SENP6: variants seen among roughly 807,000 people sequenced by gnomAD.
The protein encoded by SENP6 is sentrin-specific protease 6.
Under a neutral mutation model 134.5 loss-of-function variants are expected in SENP6, and 41 were observed. That is an observed-to-expected ratio of 0.30 (90% CI 0.24 to 0.40). SENP6 has a LOEUF of 0.40. Among genes scored for constraint, SENP6 ranks in the 10% least tolerant of loss-of-function variants. SENP6 has a pLI of 1.00. For missense variants in SENP6, 1,248 were observed against 1,312.5 expected (o/e 0.95, Z 0.76); for synonymous variants, 395 against 429.8 (o/e 0.92, Z 1.00).
intron 16 of SENP6, among the ~76,000 whole-genome samples, chr6:75,693,425 A>AAAT (rs1562058381): frequency 6.6e-6 from 1 of 151,570 alleles, no homozygotes; most frequent in Non-Finnish European, 1.5e-5. Context: ...AAAAAAAAAA[A>AAAT]AAAACACCAA....
At chr6:75,682,824 GT>G (rs1773559964) in intron 16 of SENP6, among the ~76,000 whole-genome samples, 1 of 152,138 alleles carries the variant, frequency 6.6e-6, no homozygotes, top group African/African-American at 2.4e-5. Flanking sequence ...ATTTGGGTTG[GT>G]TCCAAGTCTT....
chr6:75,706,610 G>T (rs1775420510), intron 19 of SENP6, among the ~76,000 whole-genome samples: 2 of 152,044 alleles, frequency 1.3e-5, no homozygotes, highest in African/African-American at 4.8e-5. Flanking sequence ...TATGTAGTTT[G>T]CCTTCTTAAT....
At chr6:75,694,505 T>C (rs1430327318) in intron 16 of SENP6, among the ~76,000 whole-genome samples, 1 of 152,228 alleles carries the variant, frequency 6.6e-6, no homozygotes, top group Non-Finnish European at 1.5e-5. Flanking sequence ...GTGTGTTTCA[T>C]TGCCCCATAA....
intron 16 of SENP6, among the ~76,000 whole-genome samples, chr6:75,690,455 T>C (rs1397133052): frequency 6.6e-6 from 1 of 152,210 alleles, no homozygotes; most frequent in African/African-American, 2.4e-5. Flanking sequence ...AAAAGTATGA[T>C]TTCTGTTATA....
In SENP6 at chr6:75,686,201, G is replaced by A. The variant is rs565181948; in HGVS notation, c.2075+7274G>A. On this transcript the variant is annotated intron_variant, in intron 16 of 23. Coordinates refer to ENST00000447266, the MANE Select transcript of SENP6 (RefSeq NM_015571.4). ...TGTTGGTTTAAAGTCTGTTTTATCC[G>A]AGACTAGGATTGCAACCCCTGCCTT... Among the ~76,000 whole-genome samples, 177 of 151,206 alleles carry A rather than the reference G, an allele frequency of 1.2e-3. 1 individual carries two copies. The highest frequency in any genetic ancestry group is 3.9e-3 in the African/African-American group (162 of 41,144).
In SENP6 at chr6:75,617,575, G is replaced by C. The variant is rs1435175338; in HGVS notation, c.53-3957G>C. Among the ~76,000 whole-genome samples the C allele has an allele frequency of 2.6e-5, 4 of 152,168 alleles. No individual in the cohort carries two copies. In the East Asian group the frequency reaches 7.7e-4, roughly 29 times the overall value. On this transcript the variant is annotated intron_variant, in intron 1 of 23. Coordinates refer to ENST00000447266, the MANE Select transcript of SENP6 (RefSeq NM_015571.4). The stretch of plus-strand genomic sequence containing the variant: ...TTACAGGCAGGAGCCACTGTGCCCG[G>C]CCGGTTTAGAGAACTTCTATATAAC...
At position 75,691,143 on chromosome 6, in the gene SENP6, A is replaced by G; in HGVS notation, c.2076-4661A>G. On this transcript the variant is annotated intron_variant, in intron 16 of 23. Transcript: ENST00000447266. ...CAGGCGATTACCATTCCCAGCTAAA[A>G]TTTTTTTTTTTTTTTCAAAGACAGA... 2.8e-5 allele frequency among the ~76,000 whole-genome samples: 4 copies of G among 141,512 alleles called. No individual in the cohort carries two copies. The South Asian group carries it at 9.0e-4, about 32-fold the overall frequency. The allele number at this position is 141,512 out of a possible 152,430, so 92.8% of individuals were successfully genotyped here.
chr6:75,606,958 G>A (rs1251808808), intron 1 of SENP6, among the ~76,000 whole-genome samples: 1 of 152,160 alleles, frequency 6.6e-6, no homozygotes, highest in Non-Finnish European at 1.5e-5. Context: ...AAATAGGGGA[G>A]CATGGCATGT....
chr6:75,603,921 C>G (rs1026627966), intron 1 of SENP6, among the ~76,000 whole-genome samples: 7 of 152,080 alleles, frequency 4.6e-5, no homozygotes, highest in African/African-American at 1.7e-4. Context: ...TTTCTGGGTT[C>G]GTTTCGTATT....
At chr6:75,642,915 CAG>C (rs1770139223) in intron 6 of SENP6, among the ~76,000 whole-genome samples, 1 of 152,070 alleles carries the variant, frequency 6.6e-6, no homozygotes, top group Non-Finnish European at 1.5e-5. Flanking sequence ...GGTAGAAAGA[CAG>C]AGGTAAAACC....
chr6:75,673,565 C>A (rs1199556398), intron 11 of SENP6, among the ~76,000 whole-genome samples: 1 of 151,566 alleles, frequency 6.6e-6, no homozygotes, highest in East Asian at 2.0e-4. Flanking sequence ...CTCAGGTGAT[C>A]CACCTGCCTT....
At chr6:75,673,350 C>T (rs535076937) in intron 11 of SENP6, among the ~76,000 whole-genome samples, 1 of 115,068 alleles carries the variant, frequency 8.7e-6, no homozygotes, top group African/African-American at 3.3e-5. Flanking sequence ...GAGACCGAGT[C>T]TCACTGTTGT....
chr6:75,633,830 T>C, intron 4 of SENP6, 104 bp downstream of exon 4: 1 of 979,066 alleles, frequency 1.0e-6, no homozygotes. Flanking sequence ...TCTTCTGAAT[T>C]TGTCTATAGG....
intron 16 of SENP6, among the ~76,000 whole-genome samples, chr6:75,685,709 G>T (rs1382628226): frequency 6.6e-6 from 1 of 152,192 alleles, no homozygotes; most frequent in Non-Finnish European, 1.5e-5. Context: ...GCAGTTTTGA[G>T]TGAGTTTCTT....
At position 75,675,947 on chromosome 6, in the gene SENP6, T is replaced by C. The variant is rs1158721453; in HGVS notation, c.1514T>C (p.Val505Ala). The change falls in exon 13 of 24, where the codon GTG (valine) becomes GCG (alanine). Residue 505 changes from valine (V) to alanine (A), a missense_variant. Around this residue, in one of 3 missense-constraint regions of SENP6, gnomAD observed 733 missense variants for 725.4 expected, o/e 1.01. Transcript: ENST00000447266. ...EWCNVRKLPV[V>A]FLQAIPAVYQ... is the part of the protein sequence containing the mutation. ...TGTAATGTCCGAAAATTACCTGTAG[T>C]GTTTCTTCAAGCAATTCCAGCAGTT... 1 of 1,612,822 alleles carries C rather than the reference T, an allele frequency of 6.2e-7. No homozygotes were observed. Among genetic ancestry groups the C allele is most frequent in the South Asian group, 1.1e-5 (1 of 90,964 alleles).
chr6:75,652,033 C>T (rs559467670), intron 7 of SENP6, among the ~76,000 whole-genome samples: 141 of 151,924 alleles, frequency 9.3e-4, no homozygotes, highest in African/African-American at 3.3e-3. Flanking sequence ...AAAAATTAGC[C>T]GGGTATAGTG....
At chr6:75,606,184 A>G (rs1561956184) in intron 1 of SENP6, among the ~76,000 whole-genome samples, 1 of 152,212 alleles carries the variant, frequency 6.6e-6, no homozygotes, top group Non-Finnish European at 1.5e-5. Context: ...CTTTATAACT[A>G]CTAAGATTCT....
intron 3 of SENP6, among the ~76,000 whole-genome samples, chr6:75,626,890 C>CT (rs1768736769): frequency 6.6e-6 from 1 of 151,892 alleles, no homozygotes; most frequent in Non-Finnish European, 1.5e-5. Context: ...TTAACATTTA[C>CT]TTTTTTTTCC....
chr6:75,690,725 G>A (rs551426967), intron 16 of SENP6, among the ~76,000 whole-genome samples: 18 of 145,544 alleles, frequency 1.2e-4, no homozygotes, highest in South Asian at 1.1e-3. Flanking sequence ...TGAGAGTCTC[G>A]CTCTGTCACC....
Sources: allele counts gnomAD v4.1 joint callset (sites outside exome capture counted in the v4.1 genomes callset), GRCh38; gene constraint gnomAD v4.1.1; regional missense constraint gnomAD v4.1.1; transcripts MANE v1.5; gene names NCBI Gene and HGNC (gene_info 2026-07-23, HGNC 2026-07-21).